ENTREP2: variants seen among roughly 807,000 people sequenced by gnomAD.
ENTREP2 encodes the protein protein ENTREP2.
the ENTREP2 span, among the ~76,000 whole-genome samples, chr15:29,306,664 A>ATTTTTTTTTTTTT: frequency 6.6e-4 from 51 of 77,320 alleles, 8 homozygotes; most frequent in Non-Finnish European, 1.2e-3. Context: ...ATAATTGGTA[A>ATTTTTTTTTTTTT]TTTTTTTTTT....
At chr15:29,133,003 C>T in the ENTREP2 span, among the ~76,000 whole-genome samples, 1 of 152,178 alleles carries the variant, frequency 6.6e-6, no homozygotes, top group Admixed American at 6.5e-5. Flanking sequence ...CATGGGGAAC[C>T]ACACACCCCT....
chr15:29,126,411 C>A, the ENTREP2 span: 3 of 1,549,212 alleles, frequency 1.9e-6, no homozygotes, highest in Non-Finnish European at 2.6e-6. Context: ...GCTGGGGCGC[C>A]CACAGGGCCA....
chr15:29,669,558 C>A, the ENTREP2 span, among the ~76,000 whole-genome samples: 1 of 152,276 alleles, frequency 6.6e-6, no homozygotes, highest in African/African-American at 2.4e-5. Flanking sequence ...CTATTATATG[C>A]AACAGAAAAT....
chr15:29,638,295 C>T, the ENTREP2 span, among the ~76,000 whole-genome samples: 2 of 152,172 alleles, frequency 1.3e-5, no homozygotes, highest in Non-Finnish European at 2.9e-5. Context: ...CCCAGTGATC[C>T]TTGGTGGTGG....
At chr15:29,529,254 AGGGTGTGGAG>A in the ENTREP2 span, among the ~76,000 whole-genome samples, 1 of 19,556 alleles carries the variant, frequency 5.1e-5, no homozygotes, top group Non-Finnish European at 1.1e-4. Context: ...GGGGTGTGTG[AGGGTGTGGAG>A]GGGTGTGTGG....
At chr15:29,448,920 C>G in the ENTREP2 span, among the ~76,000 whole-genome samples, 2 of 152,112 alleles carry the variant, frequency 1.3e-5, no homozygotes, top group Non-Finnish European at 2.9e-5. Context: ...AGCCTGATTC[C>G]AAGAACACAT....
At chr15:29,474,853 G>A in the ENTREP2 span, among the ~76,000 whole-genome samples, 1 of 152,066 alleles carries the variant, frequency 6.6e-6, no homozygotes, top group Non-Finnish European at 1.5e-5. Flanking sequence ...CACCGCACCC[G>A]GCCAAGGTCA....
chr15:29,441,864 G>A, the ENTREP2 span, among the ~76,000 whole-genome samples: 4 of 152,040 alleles, frequency 2.6e-5, no homozygotes, highest in African/African-American at 7.2e-5. Context: ...ATAGCTCACC[G>A]CCATCTCTGT....
chr15:29,380,285 T>C, the ENTREP2 span, among the ~76,000 whole-genome samples: 1 of 152,184 alleles, frequency 6.6e-6, no homozygotes, highest in Non-Finnish European at 1.5e-5. Context: ...AGGCCACTCC[T>C]GTCTTCCCTG....
the ENTREP2 span, among the ~76,000 whole-genome samples, chr15:29,477,523 G>A: frequency 1.3e-5 from 2 of 152,134 alleles, no homozygotes; most frequent in Non-Finnish European, 2.9e-5. Flanking sequence ...GTGGATACAC[G>A]CTGAAAGCCC....
At chr15:29,168,166 T>C in the ENTREP2 span, among the ~76,000 whole-genome samples, 1 of 152,098 alleles carries the variant, frequency 6.6e-6, no homozygotes, top group Non-Finnish European at 1.5e-5. Flanking sequence ...ATAAGAATGA[T>C]ACAATGGGGA....
At chr15:29,180,481 A>G in the ENTREP2 span, among the ~76,000 whole-genome samples, 1 of 152,144 alleles carries the variant, frequency 6.6e-6, no homozygotes, top group Non-Finnish European at 1.5e-5. Flanking sequence ...CCTGACCAAC[A>G]TGGTGAAACC....
At chr15:29,637,387 A>C in the ENTREP2 span, among the ~76,000 whole-genome samples, 1 of 152,206 alleles carries the variant, frequency 6.6e-6, no homozygotes. Flanking sequence ...ATATGCAGTG[A>C]GCAGAGAGTG....
chr15:29,321,895 G>A, the ENTREP2 span, among the ~76,000 whole-genome samples: 2 of 151,922 alleles, frequency 1.3e-5, no homozygotes, highest in Admixed American at 1.3e-4. Context: ...CTAGGTGATG[G>A]ATTGATAGGT....
the ENTREP2 span, among the ~76,000 whole-genome samples, chr15:29,402,112 C>T: frequency 2.6e-5 from 4 of 152,038 alleles, no homozygotes; most frequent in African/African-American, 9.7e-5. Flanking sequence ...ACCTAGAATT[C>T]TACTTCTAAG....
the ENTREP2 span, among the ~76,000 whole-genome samples, chr15:29,404,283 C>T: frequency 6.6e-6 from 1 of 152,014 alleles, no homozygotes; most frequent in Non-Finnish European, 1.5e-5. Context: ...CTTCTAGGAT[C>T]CCCAAACACA....
the ENTREP2 span, among the ~76,000 whole-genome samples, chr15:29,548,179 G>A: frequency 6.6e-6 from 1 of 152,120 alleles, no homozygotes; most frequent in African/African-American, 2.4e-5. Flanking sequence ...ATAAGATGGG[G>A]CCGGGTGGCT....
chr15:29,123,113 T>C, the ENTREP2 span: 2 of 513,228 alleles, frequency 3.9e-6, no homozygotes, highest in South Asian at 7.5e-5. Flanking sequence ...TCCGAATTAC[T>C]GGGCTAGGCA....
chr15:29,574,444 C>G, the ENTREP2 span, among the ~76,000 whole-genome samples: 2 of 152,156 alleles, frequency 1.3e-5, no homozygotes, highest in Non-Finnish European at 2.9e-5. Flanking sequence ...CAGGCGCACG[C>G]CCCCATGCCC....
Sources: allele counts gnomAD v4.1 joint callset (sites outside exome capture counted in the v4.1 genomes callset), GRCh38; gene constraint gnomAD v4.1.1; transcripts MANE v1.5; gene names NCBI Gene and HGNC (gene_info 2026-07-23, HGNC 2026-07-21).